The following FSTL4 variants were observed in gnomAD, a reference collection of about 807,000 sequenced individuals.
FSTL4 encodes the protein follistatin-related protein 4.
In FSTL4, 28 loss-of-function variants were observed where a neutral mutation model predicts 78.2. The observed-to-expected ratio is 0.36, with a 90% CI of 0.27 to 0.49. The LOEUF is 0.49. Ranked by LOEUF, FSTL4 falls within the 20% of genes least tolerant of loss-of-function variation. The probability of loss-of-function intolerance (pLI) is 0.98; values close to 1 mark genes in which losing one functional copy is unlikely to be tolerated. For missense variants in FSTL4, 922 were observed against 1,084.9 expected, an observed-to-expected ratio of 0.85 and a Z score of 2.11; for synonymous variants, 422 against 440.5, an observed-to-expected ratio of 0.96 and a Z score of 0.53.
the FSTL4 span, among the ~76,000 whole-genome samples, chr5:133,645,107 C>T: frequency 6.6e-6 from 1 of 152,168 alleles, no homozygotes; most frequent in African/African-American, 2.4e-5. Context: ...TTGTAGCTCT[C>T]TTATTGAAAT....
chr5:133,814,999 G>A, the FSTL4 span, among the ~76,000 whole-genome samples: 1 of 152,106 alleles, frequency 6.6e-6, no homozygotes, highest in African/African-American at 2.4e-5. Context: ...CCAAGCCCAG[G>A]GCCTCACCAC....
At chr5:133,484,220 C>A (rs564549372) in intron 3 of FSTL4, among the ~76,000 whole-genome samples, 47 of 152,366 alleles carry the variant, frequency 3.1e-4, no homozygotes, top group Middle Eastern at 6.8e-3. Flanking sequence ...GCACCATCAT[C>A]ATCTCTGAGC....
the FSTL4 span, among the ~76,000 whole-genome samples, chr5:133,739,975 C>T: frequency 1.3e-5 from 2 of 151,740 alleles, no homozygotes; most frequent in African/African-American, 4.9e-5. Context: ...TCACTGTGCC[C>T]TCAATCTCCC....
chr5:133,724,780 G>A, the FSTL4 span, among the ~76,000 whole-genome samples: 1 of 152,072 alleles, frequency 6.6e-6, no homozygotes, highest in East Asian at 1.9e-4. Flanking sequence ...TGTGTCCTAA[G>A]AATCTCTGCC....
chr5:133,484,455 C>T (rs1758091830), intron 3 of FSTL4, among the ~76,000 whole-genome samples: 1 of 152,184 alleles, frequency 6.6e-6, no homozygotes, highest in African/African-American at 2.4e-5. Context: ...TAGAAGATAT[C>T]TACTAGCCCA....
At chr5:133,833,969 C>T in the FSTL4 span, among the ~76,000 whole-genome samples, 2 of 152,024 alleles carry the variant, frequency 1.3e-5, no homozygotes, top group Admixed American at 6.6e-5. Context: ...CAGACGTGTC[C>T]CTATTTTGAT....
At chr5:133,222,971 A>G (rs1338049833) in intron 11 of FSTL4, among the ~76,000 whole-genome samples, 1 of 152,242 alleles carries the variant, frequency 6.6e-6, no homozygotes, top group South Asian at 2.1e-4. Flanking sequence ...CAATATACCT[A>G]CCAACCCTAT....
chr5:133,335,126 G>A (rs1225825253), intron 4 of FSTL4, among the ~76,000 whole-genome samples: 1 of 152,196 alleles, frequency 6.6e-6, no homozygotes, highest in African/African-American at 2.4e-5. Flanking sequence ...TGTTGAAGGC[G>A]TGGCTGGCCG....
chr5:133,308,034 C>G (rs1283667154), intron 6 of FSTL4, among the ~76,000 whole-genome samples: 1 of 152,216 alleles, frequency 6.6e-6, no homozygotes, highest in African/African-American at 2.4e-5. Flanking sequence ...CCTGCCTCGG[C>G]CTCCCAAAGT....
At chr5:133,816,479 A>G in the FSTL4 span, among the ~76,000 whole-genome samples, 2 of 152,180 alleles carry the variant, frequency 1.3e-5, no homozygotes, top group Non-Finnish European at 2.9e-5. Context: ...AAAGCCATTT[A>G]CAATGGAGAT....
At chr5:133,836,026 T>G in the FSTL4 span, among the ~76,000 whole-genome samples, 1 of 152,196 alleles carries the variant, frequency 6.6e-6, no homozygotes, top group South Asian at 2.1e-4. Flanking sequence ...GCATAGTAAA[T>G]ACACAGTAAA....
intron 8 of FSTL4, among the ~76,000 whole-genome samples, chr5:133,232,989 T>C (rs1232341989): frequency 6.6e-6 from 1 of 152,170 alleles, no homozygotes; most frequent in Non-Finnish European, 1.5e-5. Context: ...TCGGAGGAAA[T>C]AGAGCCTCCT....
intron 6 of FSTL4, among the ~76,000 whole-genome samples, chr5:133,264,468 A>G (rs1752601179): frequency 6.6e-6 from 1 of 152,000 alleles, no homozygotes; most frequent in South Asian, 2.1e-4. Context: ...GGGTGTGGCT[A>G]TCACACTCTC....
chr5:133,516,103 T>A (rs1263349690), intron 3 of FSTL4, among the ~76,000 whole-genome samples: 1 of 152,126 alleles, frequency 6.6e-6, no homozygotes, highest in Non-Finnish European at 1.5e-5. Flanking sequence ...CAGTGATAAT[T>A]TACCAATATC....
intron 6 of FSTL4, among the ~76,000 whole-genome samples, chr5:133,284,935 C>T (rs943075213): frequency 2.0e-5 from 3 of 152,148 alleles, no homozygotes; most frequent in Non-Finnish European, 1.5e-5. Flanking sequence ...AAAGGACTGG[C>T]TAGGGCACGA....
intron 3 of FSTL4, among the ~76,000 whole-genome samples, chr5:133,560,525 G>A (rs918865112): frequency 6.6e-6 from 1 of 151,970 alleles, no homozygotes; most frequent in East Asian, 2.0e-4. Flanking sequence ...CAACATGCTT[G>A]GCTAATTTTT....
the FSTL4 span, among the ~76,000 whole-genome samples, chr5:133,685,212 G>A: frequency 6.6e-6 from 1 of 152,092 alleles, no homozygotes; most frequent in Admixed American, 6.5e-5. Context: ...CCTGGGATGG[G>A]GCCCATCCAC....
At chr5:133,376,107 C>T (rs891159025) in intron 4 of FSTL4, among the ~76,000 whole-genome samples, 1 of 152,176 alleles carries the variant, frequency 6.6e-6, no homozygotes, top group South Asian at 2.1e-4. Context: ...TATACAAAGT[C>T]CTGAAGACAG....
chr5:133,523,279 G>A (rs173502), intron 3 of FSTL4, among the ~76,000 whole-genome samples: 20,516 of 152,168 alleles, frequency 0.13, 1,468 homozygotes, highest in Non-Finnish European at 0.15. Context: ...CTCCAGGACC[G>A]TGAGAAAATA....
Sources: gnomAD v4.1 joint callset for allele counts (sites outside exome capture counted in the v4.1 genomes callset) on GRCh38, gnomAD v4.1.1 for gene constraint, MANE v1.5 for transcripts, NCBI Gene and HGNC (gene_info 2026-07-23, HGNC 2026-07-21) for gene names.